The following MYO3A variants were observed in gnomAD, a reference collection of about 807,000 sequenced individuals.
MYO3A encodes the protein myosin-IIIa.
MYO3A carries 180 observed loss-of-function variants against 192.7 expected under a neutral mutation model. The ratio of observed to expected loss-of-function variants is 0.93; its 90% confidence interval spans 0.83 to 1.06. The LOEUF (loss-of-function observed/expected upper bound fraction) is 1.06. MYO3A is among the 50% of genes least tolerant of loss of function. MYO3A has a pLI of 0.00. For synonymous variants in MYO3A, 628 were observed against 645.3 expected (o/e 0.97, Z 0.41); for missense variants, 1,896 against 1,905.0 (o/e 1.00, Z 0.09).
intron 15 of MYO3A, among the ~76,000 whole-genome samples, chr10:26,091,062 G>A (rs1003158092): frequency 6.6e-6 from 1 of 152,158 alleles, no homozygotes; most frequent in Non-Finnish European, 1.5e-5. Context: ...CCTATTGGCT[G>A]AACCCATATG....
intron 10 of MYO3A, among the ~76,000 whole-genome samples, chr10:26,044,134 A>G (rs10828942): frequency 0.62 from 94,379 of 151,934 alleles, 30,301 homozygotes; most frequent in Middle Eastern, 0.74. Context: ...TTGAAAGGGG[A>G]CCTCATGACT....
At chr10:26,165,488 T>C (rs1321812883) in intron 26 of MYO3A, among the ~76,000 whole-genome samples, 7 of 152,232 alleles carry the variant, frequency 4.6e-5, no homozygotes, top group Admixed American at 4.6e-4. Context: ...TTCAGTTCTT[T>C]CCTGCATTAG....
intron 26 of MYO3A, chr10:26,165,818 G>A (rs1229445095): frequency 1.7e-6 from 1 of 576,702 alleles, no homozygotes; most frequent in Non-Finnish European, 3.1e-6. Flanking sequence ...GGGGAGTGCA[G>A]TATTAAGTTT....
intron 17 of MYO3A, among the ~76,000 whole-genome samples, chr10:26,110,528 TTG>T (rs1333008151): frequency 6.6e-6 from 1 of 152,126 alleles, no homozygotes; most frequent in Non-Finnish European, 1.5e-5. Flanking sequence ...GCAGCAAAGG[TTG>T]TCAGGATGTC....
chr10:25,970,716 T>C, intron 4 of MYO3A, among the ~76,000 whole-genome samples: 1 of 152,064 alleles, frequency 6.6e-6, no homozygotes, highest in East Asian at 1.9e-4. Flanking sequence ...AAATACATAT[T>C]ATTTATATTA....
intron 25 of MYO3A, among the ~76,000 whole-genome samples, chr10:26,156,141 G>A (rs917917844): frequency 2.0e-5 from 3 of 152,184 alleles, no homozygotes; most frequent in Non-Finnish European, 4.4e-5. Context: ...AAGGAATGAT[G>A]ACTTACAGAT....
At chr10:26,154,068 T>C in intron 24 of MYO3A, 139 bp downstream of exon 24, 1 of 688,888 alleles carries the variant, frequency 1.5e-6, no homozygotes, top group Non-Finnish European at 2.6e-6. Context: ...TGAACAGATA[T>C]TTATGTTATG....
chr10:26,039,548 G>C lies in MYO3A; in HGVS notation c.953+13016G>C, dbSNP rs114717416. On this transcript the variant is annotated intron_variant, in intron 10 of 34. Coordinates refer to ENST00000642920, the MANE Select transcript of MYO3A (RefSeq NM_017433.5). ...CTTTGCTGGGAGACTTTTTATGACG[G>C]CTTTGATCTCATTACTTCATATTGG... Among the ~76,000 whole-genome samples, 1,278 of 152,068 alleles carry C rather than the reference G, an allele frequency of 8.4e-3. 16 individuals carry two copies. The highest frequency in any genetic ancestry group is 0.028 in the African/African-American group (1,160 of 41,478).
rs751748359 is a variant in MYO3A at position 26,176,831 on chromosome 10, A to T, written c.4424A>T (p.Gln1475Leu). The stretch of plus-strand genomic sequence containing the variant: ...CCAATTAATAGACGAGTTTCTTCTC[A>T]GCAGTGCCTCTCAGGTAAAAATCAG... ...HKPINRRVSS[Q>L]QCLSGVCKGE... The change falls in exon 31 of 35, where the codon CAG (glutamine) becomes CTG (leucine). Residue 1475 changes from glutamine (Q) to leucine (L), a missense_variant. Transcript: ENST00000642920. 2 of 1,614,212 alleles carry T rather than the reference A, an allele frequency of 1.2e-6. No individual in the cohort carries two copies. The highest frequency in any genetic ancestry group is 1.7e-6 in the Non-Finnish European group (2 of 1,180,012).
intron 34 of MYO3A, among the ~76,000 whole-genome samples, chr10:26,203,642 T>G (rs77000310): frequency 2.6e-5 from 4 of 152,172 alleles, no homozygotes; most frequent in Non-Finnish European, 5.9e-5. Flanking sequence ...TTTCATACTT[T>G]AGGAATTTTT....
chr10:25,984,389 C>G (rs919314320), intron 4 of MYO3A, among the ~76,000 whole-genome samples: 1 of 152,092 alleles, frequency 6.6e-6, no homozygotes, highest in African/African-American at 2.4e-5. Context: ...CATAAGAACT[C>G]GCAAAAACTT....
chr10:26,116,848 C>T (rs1838537014), intron 17 of MYO3A, among the ~76,000 whole-genome samples: 1 of 152,164 alleles, frequency 6.6e-6, no homozygotes, highest in Non-Finnish European at 1.5e-5. Context: ...AGCACTCCAA[C>T]CCCATTTGTA....
Position 26,201,314 on chromosome 10 carries a change from TA to T in MYO3A, c.4586+10del. 6.4e-7 allele frequency: 1 copy of T among 1,562,760 alleles called. No homozygotes were observed. Among genetic ancestry groups the T allele is most frequent in the East Asian group, 2.3e-5 (1 of 44,222 alleles). Reference sequence around the variant, plus strand: ...AGACCAAGGAAAGACAGGTAATTATTACTTCTGGATTTCAATCAGTCATCTT... The same window carrying T: ...AGACCAAGGAAAGACAGGTAATTATTCTTCTGGATTTCAATCAGTCATCTT... On this transcript the variant is annotated intron_variant, in intron 33 of 34. Coordinates refer to ENST00000642920, the MANE Select transcript of MYO3A (RefSeq NM_017433.5).
At chr10:26,161,469 A>G (rs566938180) in intron 26 of MYO3A, among the ~76,000 whole-genome samples, 68 of 152,206 alleles carry the variant, frequency 4.5e-4, no homozygotes, top group Non-Finnish European at 8.7e-4. Context: ...TTTGGCTACC[A>G]GAGCTCTAAT....
intron 2 of MYO3A, among the ~76,000 whole-genome samples, chr10:25,939,364 A>C (rs944067329): frequency 2.0e-5 from 3 of 151,808 alleles, no homozygotes; most frequent in African/African-American, 7.3e-5. Flanking sequence ...TTTTTCTTTA[A>C]TTTATACCCT....
intron 4 of MYO3A, among the ~76,000 whole-genome samples, chr10:25,967,117 A>G (rs892919372): frequency 2.0e-5 from 3 of 152,260 alleles, no homozygotes; most frequent in East Asian, 1.9e-4. Flanking sequence ...GAAGTTATGC[A>G]GAAAAAAGCT....
chr10:26,024,196 T>G, intron 9 of MYO3A, 109 bp downstream of exon 9: 1 of 1,087,012 alleles, frequency 9.2e-7, no homozygotes, highest in Non-Finnish European at 1.4e-6. Flanking sequence ...TTCTATTATT[T>G]TCTTCAAAGG....
intron 6 of MYO3A, among the ~76,000 whole-genome samples, chr10:26,014,583 G>T (rs889282918): frequency 6.6e-6 from 1 of 152,068 alleles, no homozygotes; most frequent in Non-Finnish European, 1.5e-5. Context: ...AGGAAATGGG[G>T]TGGCTGTACA....
chr10:26,180,572 T>C (rs958532156), intron 31 of MYO3A, among the ~76,000 whole-genome samples: 1 of 152,122 alleles, frequency 6.6e-6, no homozygotes, highest in African/African-American at 2.4e-5. Flanking sequence ...ACAGATGGGA[T>C]TGTAGGACTA....
Sources: gnomAD v4.1 joint callset for allele counts (sites outside exome capture counted in the v4.1 genomes callset) on GRCh38, gnomAD v4.1.1 for gene constraint, MANE v1.5 for transcripts, NCBI Gene and HGNC (gene_info 2026-07-23, HGNC 2026-07-21) for gene names.